The following GPC6 variants were observed in gnomAD, a reference collection of about 807,000 sequenced individuals.
GPC6 encodes the protein glypican-6.
Under a neutral mutation model 55.2 loss-of-function variants are expected in GPC6, and 14 were observed. The observed-to-expected ratio is 0.25, with a 90% CI of 0.17 to 0.40. The LOEUF is 0.40. Ranked by LOEUF, GPC6 falls within the 10% of genes least tolerant of loss-of-function variation. The pLI is 1.00. For synonymous variants in GPC6, 278 were observed against 259.6 expected (o/e 1.07, Z -0.68); for missense variants, 641 against 708.5 (o/e 0.90, Z 1.08).
chr13:93,976,357 T>A (rs1880515677), intron 3 of GPC6, among the ~76,000 whole-genome samples: 1 of 152,058 alleles, frequency 6.6e-6, no homozygotes, highest in African/African-American at 2.4e-5. Context: ...ATCTTTAAAC[T>A]CTGTTAATCA....
intron 2 of GPC6, among the ~76,000 whole-genome samples, chr13:93,747,473 A>G (rs1884434455): frequency 6.6e-6 from 1 of 152,190 alleles, no homozygotes. Flanking sequence ...CCTCATCAGA[A>G]GAGAGAGAAA....
At chr13:93,819,337 A>G (rs1886967351) in intron 2 of GPC6, among the ~76,000 whole-genome samples, 2 of 152,214 alleles carry the variant, frequency 1.3e-5, no homozygotes. Context: ...TGAAGAAGGA[A>G]CGGGAGCTGG....
chr13:93,645,521 G>A (rs1321572654), intron 2 of GPC6, among the ~76,000 whole-genome samples: 1 of 152,090 alleles, frequency 6.6e-6, no homozygotes, highest in Non-Finnish European at 1.5e-5. Flanking sequence ...CCTGAAGAGT[G>A]ATCATTTCTA....
At chr13:93,480,814 G>C (rs960767302) in intron 1 of GPC6, among the ~76,000 whole-genome samples, 10 of 152,126 alleles carry the variant, frequency 6.6e-5, no homozygotes, top group African/African-American at 2.4e-4. Flanking sequence ...TCTATTGTGT[G>C]AACATGCCAC....
intron 4 of GPC6, among the ~76,000 whole-genome samples, chr13:94,068,501 C>A (rs2138779321): frequency 6.6e-6 from 1 of 152,260 alleles, no homozygotes; most frequent in South Asian, 2.1e-4. Flanking sequence ...TCCCAACAGT[C>A]CCCCAAAGTC....
intron 2 of GPC6, among the ~76,000 whole-genome samples, chr13:93,689,030 C>G (rs536131581): frequency 1.3e-5 from 2 of 151,992 alleles, no homozygotes; most frequent in African/African-American, 4.8e-5. Flanking sequence ...TAGGTCATCT[C>G]TATTTCTACT....
intron 2 of GPC6, among the ~76,000 whole-genome samples, chr13:93,588,202 G>T (rs1877293659): frequency 6.6e-6 from 1 of 152,128 alleles, no homozygotes; most frequent in Non-Finnish European, 1.5e-5. Context: ...CTTTAGTTTT[G>T]TGTATTAAGA....
intron 1 of GPC6, among the ~76,000 whole-genome samples, chr13:93,456,873 C>G (rs1396284438): frequency 6.6e-6 from 1 of 152,098 alleles, no homozygotes; most frequent in African/African-American, 2.4e-5. Context: ...TGTGTCCCCA[C>G]CCGAATCTCA....
chr13:93,704,119 A>G (rs1882765474), intron 2 of GPC6, among the ~76,000 whole-genome samples: 1 of 151,880 alleles, frequency 6.6e-6, no homozygotes. Context: ...TATTGTTTTC[A>G]TATTACAAAT....
intron 3 of GPC6, among the ~76,000 whole-genome samples, chr13:93,904,570 T>C (rs1249567967): frequency 1.3e-5 from 2 of 151,986 alleles, no homozygotes; most frequent in African/African-American, 4.8e-5. Flanking sequence ...AAAACCCGTC[T>C]CTAGAAAAAA....
At chr13:93,376,258 A>G (rs1414005728) in intron 1 of GPC6, among the ~76,000 whole-genome samples, 1 of 152,108 alleles carries the variant, frequency 6.6e-6, no homozygotes, top group Non-Finnish European at 1.5e-5. Flanking sequence ...TCAAGATATT[A>G]TGGGCTGGTT....
intron 2 of GPC6, among the ~76,000 whole-genome samples, chr13:93,612,500 AACACACACACACAC>A (rs3138575): frequency 3.6e-5 from 5 of 139,296 alleles, no homozygotes; most frequent in Admixed American, 7.2e-5. Context: ...CTCCGTCTAA[AACACACACACACAC>A]ACACACACAC....
At chr13:94,360,382 A>G (rs1242331334) in intron 6 of GPC6, among the ~76,000 whole-genome samples, 1 of 152,224 alleles carries the variant, frequency 6.6e-6, no homozygotes, top group African/African-American at 2.4e-5. Context: ...ATCCACTGTT[A>G]TACATAACCA....
At chr13:93,723,411 G>A (rs986139435) in intron 2 of GPC6, among the ~76,000 whole-genome samples, 1 of 151,890 alleles carries the variant, frequency 6.6e-6, no homozygotes, top group Non-Finnish European at 1.5e-5. Context: ...GTCTTACCTA[G>A]CAACTCACTT....
chr13:93,829,201 T>C (rs867665239), intron 2 of GPC6, among the ~76,000 whole-genome samples: 1 of 152,184 alleles, frequency 6.6e-6, no homozygotes, highest in African/African-American at 2.4e-5. Context: ...CCTACCCCAA[T>C]TTATAATCTC....
chr13:94,067,821 G>C (rs1015491872), intron 4 of GPC6, among the ~76,000 whole-genome samples: 1 of 152,182 alleles, frequency 6.6e-6, no homozygotes, highest in African/African-American at 2.4e-5. Context: ...TAGGGTGGAA[G>C]CAGAACTCAT....
intron 2 of GPC6, among the ~76,000 whole-genome samples, chr13:93,658,932 A>G (rs540386227): frequency 6.6e-6 from 1 of 151,966 alleles, no homozygotes; most frequent in South Asian, 2.1e-4. Context: ...TCAGAAAGAT[A>G]TATGTGATGT....
intron 3 of GPC6, among the ~76,000 whole-genome samples, chr13:93,840,535 A>G (rs1392595245): frequency 1.4e-5 from 2 of 139,466 alleles, no homozygotes; most frequent in African/African-American, 5.5e-5. Flanking sequence ...AATAATGAAC[A>G]TATTTTGATT....
intron 3 of GPC6, among the ~76,000 whole-genome samples, chr13:93,895,803 A>G (rs1875978057): frequency 6.6e-6 from 1 of 152,072 alleles, no homozygotes; most frequent in Non-Finnish European, 1.5e-5. Flanking sequence ...TTCAGGTTTG[A>G]TTTTTGTGCC....
Sources: gnomAD v4.1 joint callset for allele counts (sites outside exome capture counted in the v4.1 genomes callset) on GRCh38, gnomAD v4.1.1 for gene constraint, MANE v1.5 for transcripts, NCBI Gene and HGNC (gene_info 2026-07-23, HGNC 2026-07-21) for gene names.